Variants in KCNH5 observed in about 807,000 individuals in gnomAD.
KCNH5 encodes voltage-gated delayed rectifier potassium channel KCNH5.
In KCNH5, 46 loss-of-function variants were observed where a neutral mutation model predicts 96.1. The observed-to-expected ratio is 0.48, with a 90% CI of 0.38 to 0.61. KCNH5 has a LOEUF of 0.61. Ranked by LOEUF, KCNH5 falls within the 20% of genes least tolerant of loss-of-function variation. The probability of loss-of-function intolerance (pLI) is 0.00; values close to 1 mark genes in which losing one functional copy is unlikely to be tolerated. For missense variants in KCNH5, 907 were observed against 1,225.8 expected (o/e 0.74, Z 3.88); for synonymous variants, 439 against 449.8 (o/e 0.98, Z 0.30).
intron 7 of KCNH5, 112 bp from the exon 8 acceptor site, chr14:62,849,964 G>T: frequency 3.7e-6 from 3 of 810,032 alleles, no homozygotes; most frequent in East Asian, 2.7e-5. Flanking sequence ...ACTTGCAGGG[G>T]TAAATACATG....
intron 8 of KCNH5, among the ~76,000 whole-genome samples, chr14:62,845,441 A>C (rs1212279618): frequency 1.3e-5 from 2 of 151,912 alleles, no homozygotes; most frequent in Non-Finnish European, 2.9e-5. Context: ...TGATATAAAC[A>C]TAAATAGATA....
intron 7 of KCNH5, among the ~76,000 whole-genome samples, chr14:62,885,975 C>T (rs1888587293): frequency 6.6e-6 from 1 of 152,142 alleles, no homozygotes; most frequent in Admixed American, 6.5e-5. Flanking sequence ...AGCCCCAAAT[C>T]CCATAGCACT....
chr14:62,802,315 A>G lies in KCNH5; in HGVS notation c.1822+14T>C, dbSNP rs776080155. 6.8e-6 allele frequency: 11 copies of G among 1,610,416 alleles called. No individual in the cohort carries two copies. In the Admixed American group the frequency reaches 1.8e-4, roughly 27 times the overall value. On this transcript the variant is annotated intron_variant, in intron 9 of 10. Coordinates refer to ENST00000322893, the MANE Select transcript of KCNH5 (RefSeq NM_139318.5). ...ACTACGCATTTGCTACTACATTAGG[A>G]AAGTTCACAGTACCTAAAATAGCCA... is the stretch of plus-strand genomic sequence containing the variant.
chr14:62,874,042 AG>A (rs1319813262), intron 7 of KCNH5, among the ~76,000 whole-genome samples: 1 of 152,260 alleles, frequency 6.6e-6, no homozygotes, highest in Non-Finnish European at 1.5e-5. Flanking sequence ...ATTTAAAACA[AG>A]TAAACATATC....
At chr14:62,762,747 T>C (rs1307766407) in intron 10 of KCNH5, among the ~76,000 whole-genome samples, 1 of 147,538 alleles carries the variant, frequency 6.8e-6, no homozygotes, top group Non-Finnish European at 1.5e-5. Context: ...TATTCTAATT[T>C]CAAAAAAAAA....
intron 10 of KCNH5, among the ~76,000 whole-genome samples, chr14:62,738,042 A>T (rs1885195956): frequency 6.6e-6 from 1 of 152,120 alleles, no homozygotes; most frequent in African/African-American, 2.4e-5. Context: ...AACAATTATA[A>T]TAACACTCCG....
At chr14:63,021,957 C>T (rs1891436857) in intron 1 of KCNH5, among the ~76,000 whole-genome samples, 1 of 152,098 alleles carries the variant, frequency 6.6e-6, no homozygotes. Flanking sequence ...AAGTCCTCTC[C>T]TTTCTTTACT....
chr14:63,035,289 T>C (rs1594686257), intron 1 of KCNH5, among the ~76,000 whole-genome samples: 1 of 152,190 alleles, frequency 6.6e-6, no homozygotes, highest in East Asian at 1.9e-4. Flanking sequence ...TAAACACTAA[T>C]GGCAAGATAA....
intron 8 of KCNH5, among the ~76,000 whole-genome samples, chr14:62,809,110 G>T (rs1026262307): frequency 1.3e-5 from 2 of 152,078 alleles, no homozygotes; most frequent in Non-Finnish European, 2.9e-5. Flanking sequence ...CAGAGTCAAA[G>T]AATCTTTTCT....
Position 63,045,304 on chromosome 14 carries a change from G to A in KCNH5, c.-118C>T, listed in dbSNP as rs1276681729. The A allele has an allele frequency of 1.2e-5, 10 of 828,438 alleles. No individual in the cohort carries two copies. Among genetic ancestry groups the A allele is most frequent in the African/African-American group, 1.7e-5 (1 of 59,880 alleles). 51.3% of individuals were successfully genotyped at this position (828,438 alleles called of 1,614,324 possible). Reference sequence around the variant, plus strand: ...GAAGATTGAGCCGAAAGAAGAGGGGGCGCGGCGGCGGCGACGGGGTCCCCT... The same window carrying A: ...GAAGATTGAGCCGAAAGAAGAGGGGACGCGGCGGCGGCGACGGGGTCCCCT... On this transcript the variant is annotated 5_prime_UTR_variant, in exon 1 of 11. Coordinates refer to ENST00000322893, the MANE Select transcript of KCNH5 (RefSeq NM_139318.5).
chr14:62,884,356 G>A (rs1399473563), intron 7 of KCNH5, among the ~76,000 whole-genome samples: 2 of 152,178 alleles, frequency 1.3e-5, no homozygotes, highest in Non-Finnish European at 2.9e-5. Flanking sequence ...CGGGCACGGT[G>A]GTTCACACCT....
At chr14:62,717,538 TAAAG>T (rs1395438095) in intron 10 of KCNH5, among the ~76,000 whole-genome samples, 1 of 152,210 alleles carries the variant, frequency 6.6e-6, no homozygotes, top group East Asian at 1.9e-4. Context: ...AATGATGTCT[TAAAG>T]AAGAATAATC....
intron 10 of KCNH5, among the ~76,000 whole-genome samples, chr14:62,764,624 G>A (rs1885820791): frequency 6.6e-6 from 1 of 152,160 alleles, no homozygotes; most frequent in South Asian, 2.1e-4. Flanking sequence ...AAACCGTACA[G>A]TATCTGCCCA....
At chr14:63,030,111 A>C (rs915727911) in intron 1 of KCNH5, among the ~76,000 whole-genome samples, 2 of 152,162 alleles carry the variant, frequency 1.3e-5, no homozygotes, top group Non-Finnish European at 2.9e-5. Context: ...TTGACAGGGA[A>C]ACCAGTTCTG....
intron 1 of KCNH5, among the ~76,000 whole-genome samples, chr14:63,023,237 C>T (rs1891463306): frequency 6.6e-6 from 1 of 151,670 alleles, no homozygotes; most frequent in Non-Finnish European, 1.5e-5. Flanking sequence ...TGTTTATCTG[C>T]CTATTGGATT....
intron 7 of KCNH5, among the ~76,000 whole-genome samples, chr14:62,949,162 C>A (rs536788594): frequency 5.6e-4 from 85 of 152,174 alleles, no homozygotes; most frequent in African/African-American, 1.9e-3. Context: ...CTGGCCAGGG[C>A]AATTAGGCAG....
rs182149661 is a variant in KCNH5 at position 62,919,050 on chromosome 14, C to T, written c.1369+31083G>A. ...AAAACGTGGTATATACTTGTATTTG[C>T]TGCCACAGAAAAATATCCATGACAC... On this transcript the variant is annotated intron_variant, in intron 7 of 10. Coordinates refer to ENST00000322893, the MANE Select transcript of KCNH5 (RefSeq NM_139318.5). Among the ~76,000 whole-genome samples the T allele has an allele frequency of 2.6e-5, 4 of 152,106 alleles. No individual in the cohort carries two copies. The East Asian group carries it at 7.7e-4, about 29-fold the overall frequency.
At chr14:63,035,615 C>G (rs1279375453) in intron 1 of KCNH5, among the ~76,000 whole-genome samples, 1 of 152,178 alleles carries the variant, frequency 6.6e-6, no homozygotes, top group Non-Finnish European at 1.5e-5. Flanking sequence ...ACTTCTTTTG[C>G]TCTAGGCAGT....
intron 10 of KCNH5, among the ~76,000 whole-genome samples, chr14:62,721,315 A>T (rs1271076535): frequency 6.6e-6 from 1 of 152,240 alleles, no homozygotes; most frequent in East Asian, 1.9e-4. Context: ...TTAAAGATCA[A>T]ACTTGTGGTT....
Sources: allele counts gnomAD v4.1 joint callset (sites outside exome capture counted in the v4.1 genomes callset), GRCh38; gene constraint gnomAD v4.1.1; transcripts MANE v1.5; gene names NCBI Gene and HGNC (gene_info 2026-07-23, HGNC 2026-07-21).